DMD: variants seen among roughly 807,000 people sequenced by gnomAD.
DMD encodes the protein mutant dystrophin.
In DMD, 63 loss-of-function variants were observed where a neutral mutation model predicts 330.1. The ratio of observed to expected loss-of-function variants is 0.19; its 90% CI spans 0.16 to 0.24. The LOEUF is 0.24. Ranked by LOEUF, DMD falls within the 10% of genes least tolerant of loss-of-function variation. The pLI, the probability that DMD is intolerant of heterozygous loss-of-function variation, is 1.00. For synonymous variants in DMD, 1,223 were observed against 959.8 expected, an observed-to-expected ratio of 1.27 and a Z score of -5.07; for missense variants, 3,344 against 2,684.1, an observed-to-expected ratio of 1.25 and a Z score of -5.43.
At chrX:31,549,470 A>T (rs1320945794) in intron 55 of DMD, among the ~76,000 whole-genome samples, 1 of 112,076 alleles carries the variant, frequency 8.9e-6, no homozygotes, top group African/African-American at 3.2e-5. Flanking sequence ...AGAATTCTTC[A>T]AATGAACCCT....
intron 1 of DMD, among the ~76,000 whole-genome samples, chrX:33,079,958 A>G (rs978251351): frequency 8.9e-6 from 1 of 112,144 alleles, no homozygotes; most frequent in African/African-American, 3.2e-5. Context: ...ATTATCTTTT[A>G]ACGTTACAAA....
chrX:32,458,267 G>A (rs1263907878), intron 25 of DMD, among the ~76,000 whole-genome samples: 1 of 111,154 alleles, frequency 9.0e-6, no homozygotes, highest in Non-Finnish European at 1.9e-5. Context: ...TTGACCGCGT[G>A]TGTCTGGTTT....
At chrX:31,807,030 G>A (rs934441773) in intron 50 of DMD, among the ~76,000 whole-genome samples, 5 of 111,892 alleles carry the variant, frequency 4.5e-5, no homozygotes, top group African/African-American at 1.6e-4. Flanking sequence ...GCAAAGGGAA[G>A]TATGAACATA....
intron 2 of DMD, among the ~76,000 whole-genome samples, chrX:32,926,662 G>A (rs1391231921): frequency 9.4e-6 from 1 of 106,808 alleles, no homozygotes; most frequent in Non-Finnish European, 1.9e-5. Flanking sequence ...TGAGGCAGGA[G>A]AATCGCTTGA....
At chrX:32,896,838 AT>A (rs1280314939) in intron 2 of DMD, among the ~76,000 whole-genome samples, 3 of 112,311 alleles carry the variant, frequency 2.7e-5, no homozygotes, top group African/African-American at 9.7e-5. Context: ...CAAGGAAAAT[AT>A]TTTTCAGATT....
intron 55 of DMD, among the ~76,000 whole-genome samples, chrX:31,569,613 CGTATATAT>C (rs2075663569): frequency 1.0e-5 from 1 of 98,238 alleles, no homozygotes; most frequent in African/African-American, 3.8e-5. Flanking sequence ...TATGTATATA[CGTATATAT>C]ACGTATATAC....
rs1204317037 is a variant in DMD at position 33,150,207 on chromosome X, C to T, written c.31+61075G>A. Among the ~76,000 whole-genome samples, 6 of 110,271 alleles carry T rather than the reference C, an allele frequency of 5.4e-5. 1 individual carries two copies. Among genetic ancestry groups the T allele is most frequent in the South Asian group, 7.7e-4 (2 of 2,590 alleles). The stretch of plus-strand genomic sequence containing the variant: ...GTGTTCTTTCTCTACTGCACAGAAA[C>T]GAAAACGTACAAGTCTCTAATCTGT... On this transcript the variant is annotated intron_variant, in intron 1 of 78. Transcript: ENST00000357033.
chrX:31,803,965 T>C (rs1238144003), intron 50 of DMD, among the ~76,000 whole-genome samples: 2 of 110,826 alleles, frequency 1.8e-5, no homozygotes, highest in Admixed American at 9.6e-5. Flanking sequence ...CCCCAAAGTG[T>C]TGGGATTACA....
intron 1 of DMD, among the ~76,000 whole-genome samples, chrX:33,301,955 A>T (rs2053670673): frequency 8.9e-6 from 1 of 111,862 alleles, no homozygotes; most frequent in Non-Finnish European, 1.9e-5. Context: ...ATCATGTAAG[A>T]TATTAAGTTT....
chrX:31,237,481 G>A (rs1259287681), intron 63 of DMD, among the ~76,000 whole-genome samples: 1 of 112,219 alleles, frequency 8.9e-6, no homozygotes, highest in East Asian at 2.8e-4. Context: ...AGATCCTGCT[G>A]AAGACACTAA....
intron 1 of DMD, among the ~76,000 whole-genome samples, chrX:33,141,947 G>T (rs1338620844): frequency 8.9e-6 from 1 of 112,398 alleles, no homozygotes; most frequent in African/African-American, 3.2e-5. Context: ...AAAATTTCTT[G>T]TGTGTATATA....
intron 2 of DMD, among the ~76,000 whole-genome samples, chrX:32,889,382 C>T: frequency 9.0e-6 from 1 of 110,688 alleles, no homozygotes; most frequent in Non-Finnish European, 1.9e-5. Context: ...CAACTTGAGG[C>T]CAAGGAACAA....
intron 1 of DMD, among the ~76,000 whole-genome samples, chrX:33,030,684 C>T (rs1602896468): frequency 9.0e-6 from 1 of 111,518 alleles, no homozygotes; most frequent in East Asian, 2.8e-4. Context: ...GTGAAATTAA[C>T]TACTTGGATA....
At chrX:32,567,643 C>T (rs752333185) in intron 15 of DMD, among the ~76,000 whole-genome samples, 14 of 112,558 alleles carry the variant, frequency 1.2e-4, no homozygotes, top group Non-Finnish European at 2.4e-4. Flanking sequence ...GTGATCCACC[C>T]GCCTTGGCCT....
chrX:32,911,673 T>C (rs1248122088), intron 2 of DMD, among the ~76,000 whole-genome samples: 2 of 111,627 alleles, frequency 1.8e-5, no homozygotes, highest in East Asian at 5.6e-4. Context: ...AATTTTATAC[T>C]CAACAGAGTA....
intron 1 of DMD, among the ~76,000 whole-genome samples, chrX:33,091,036 A>G (rs2095079055): frequency 9.0e-6 from 1 of 110,962 alleles, no homozygotes; most frequent in Non-Finnish European, 1.9e-5. Context: ...TTTTGGTTCT[A>G]TGAGAGAATG....
At chrX:32,983,528 T>TACACACACACACACACAC (rs561986393) in intron 2 of DMD, among the ~76,000 whole-genome samples, 2 of 73,578 alleles carry the variant, frequency 2.7e-5, no homozygotes, top group African/African-American at 5.4e-5. Flanking sequence ...CAGAACTAAA[T>TACACACACACACACACAC]ACACACACAC....
chrX:31,316,041 G>A (rs2055980812), intron 62 of DMD, among the ~76,000 whole-genome samples: 1 of 112,069 alleles, frequency 8.9e-6, no homozygotes, highest in Non-Finnish European at 1.9e-5. Flanking sequence ...TTCTCATTGA[G>A]GTTGAGCTAA....
chrX:32,361,580 T>A (rs1030277914), intron 37 of DMD, among the ~76,000 whole-genome samples: 1 of 111,865 alleles, frequency 8.9e-6, no homozygotes, highest in African/African-American at 3.2e-5. Context: ...GTCTCATGCA[T>A]ACAAGCTAAA....
Sources: gnomAD v4.1 joint callset for allele counts (sites outside exome capture counted in the v4.1 genomes callset) on GRCh38, gnomAD v4.1.1 for gene constraint, MANE v1.5 for transcripts, NCBI Gene and HGNC (gene_info 2026-07-23, HGNC 2026-07-21) for gene names.